Variants in TULP3 observed in about 807,000 individuals in gnomAD.
The protein encoded by TULP3 is tubby-related protein 3.
Under a neutral mutation model 50.7 loss-of-function variants are expected in TULP3, and 38 were observed. The ratio of observed to expected loss-of-function variants is 0.75; its 90% CI spans 0.58 to 0.98. The LOEUF (loss-of-function observed/expected upper bound fraction) is 0.98, where lower values mean the gene tolerates loss of function less well. TULP3 is among the 50% of genes least tolerant of loss of function. The probability of loss-of-function intolerance (pLI) is 0.00; values close to 1 mark genes in which losing one functional copy is unlikely to be tolerated. For missense variants in TULP3, 550 were observed against 568.0 expected, an observed-to-expected ratio of 0.97 and a Z score of 0.32; for synonymous variants, 183 against 196.6, an observed-to-expected ratio of 0.93 and a Z score of 0.58.
chr12:2,940,321 T>TAA lies in TULP3; in HGVS notation c.*893_*894dup, dbSNP rs371211844. The TAA allele has an allele frequency of 5.7e-5, 76 of 1,323,788 alleles. No homozygotes were observed. Among genetic ancestry groups the TAA allele is most frequent in the Middle Eastern group, 2.8e-4 (1 of 3,544 alleles). The allele number at this position is 1,323,788 out of a possible 1,614,324, so 82.0% of individuals were successfully genotyped here. ...GGCAGTATTGACCATTTAGTTTAGT[T>TAA]AAAAAAAAAAAAAAAAAGGTGGCAG... On this transcript the variant is annotated 3_prime_UTR_variant, in exon 11 of 11. Transcript: ENST00000448120.
At chr12:2,906,122 C>T (rs61918188) in intron 1 of TULP3, among the ~76,000 whole-genome samples, 71,221 of 149,488 alleles carry the variant, frequency 0.48, 17,453 homozygotes, top group African/African-American at 0.6. Flanking sequence ...CCTCCGCCTC[C>T]CAGGTTCACA....
intron 2 of TULP3, among the ~76,000 whole-genome samples, chr12:2,916,191 G>A (rs918053348): frequency 4.6e-5 from 7 of 151,958 alleles, no homozygotes; most frequent in Middle Eastern, 3.4e-3. Flanking sequence ...TGCATTTTTA[G>A]TAGAGATGGG....
At chr12:2,918,286 T>C (rs529938213) in intron 2 of TULP3, among the ~76,000 whole-genome samples, 1 of 151,560 alleles carries the variant, frequency 6.6e-6, no homozygotes, top group South Asian at 2.1e-4. Flanking sequence ...GCTAATTTTA[T>C]TTTTTAATAG....
chr12:2,890,908 G>C lies in TULP3; in HGVS notation c.-40G>C. 2 of 1,562,888 alleles carry C rather than the reference G, an allele frequency of 1.3e-6. No individual in the cohort carries two copies. The highest frequency in any genetic ancestry group is 8.7e-7 in the Non-Finnish European group (1 of 1,154,004). On this transcript the variant is annotated 5_prime_UTR_variant, in exon 1 of 11. Coordinates refer to ENST00000448120, the MANE Select transcript of TULP3 (RefSeq NM_003324.5). ...GCCTAGCCACTCTAGCGACGGCGGG[G>C]AAGAGTGTGTACGTGGTGGGGGCTT...
rs56027951 is a variant in TULP3, at chr12:2,911,664, CTTTTTTTTTTTTTTTTTTTTTTTTTTTTT to C, written c.93+2099_93+2127del. 2.7e-3 allele frequency among the ~76,000 whole-genome samples: 102 copies of C among 38,174 alleles called. 1 individual carries two copies. Among genetic ancestry groups the C allele is most frequent in the African/African-American group, 8.9e-3 (99 of 11,070 alleles). 25.0% of individuals were successfully genotyped at this position (38,174 alleles called of 152,430 possible). A position where few individuals can be genotyped will look rare whatever the true frequency, so the allele number is the denominator to read the frequency against. On this transcript the variant is annotated intron_variant, in intron 2 of 10. Coordinates refer to ENST00000448120, the MANE Select transcript of TULP3 (RefSeq NM_003324.5). ...ACAGGCGTGAGCCACTGCGCCCAGC[CTTTTTTTTTTTTTTTTTTTTTTTTTTTTT>C]TTTTTTTTTTTTTTGAGTCAGTGAA...
intron 1 of TULP3, among the ~76,000 whole-genome samples, chr12:2,898,030 AT>A (rs1278957655): frequency 6.8e-6 from 1 of 146,518 alleles, no homozygotes; most frequent in Non-Finnish European, 1.5e-5. Flanking sequence ...GTGAGCCAAG[AT>A]CGCGCCATTG....
intron 1 of TULP3, among the ~76,000 whole-genome samples, chr12:2,902,409 T>C (rs1477423188): frequency 6.6e-6 from 1 of 152,220 alleles, no homozygotes; most frequent in Non-Finnish European, 1.5e-5. Context: ...GCAAGGATGG[T>C]GTTTACTCTC....
rs2098204428 is a variant in TULP3 at position 2,940,867 on chromosome 12, A to G, written c.*1423A>G. 1.4e-6 allele frequency: 1 copy of G among 732,310 alleles called. No homozygotes were observed. Among genetic ancestry groups the G allele is most frequent in the Non-Finnish European group, 2.2e-6 (1 of 459,462 alleles). 45.4% of individuals were successfully genotyped at this position (732,310 alleles called of 1,614,324 possible). The stretch of plus-strand genomic sequence containing the variant: ...CCTCACAGCCATGCCCAGAAGCCTC[A>G]CACCTCGTCACCACCACCACCCCCC... On this transcript the variant is annotated 3_prime_UTR_variant, in exon 11 of 11. Coordinates refer to ENST00000448120, the MANE Select transcript of TULP3 (RefSeq NM_003324.5).
intron 1 of TULP3, among the ~76,000 whole-genome samples, chr12:2,907,350 C>CTA: frequency 6.6e-6 from 1 of 152,020 alleles, no homozygotes; most frequent in Middle Eastern, 3.4e-3. Flanking sequence ...CAACGTGCAC[C>CTA]TATAGTCCCA....
At chr12:2,900,876 CTTTTTT>C (rs57315328) in intron 1 of TULP3, among the ~76,000 whole-genome samples, 2 of 127,298 alleles carry the variant, frequency 1.6e-5, no homozygotes, top group Non-Finnish European at 1.6e-5. Context: ...AGCCGAAATA[CTTTTTT>C]TTTTTTTTTT....
At chr12:2,897,366 G>T (rs371076400) in intron 1 of TULP3, among the ~76,000 whole-genome samples, 3 of 152,046 alleles carry the variant, frequency 2.0e-5, no homozygotes, top group Non-Finnish European at 2.9e-5. Context: ...TCCAACATTC[G>T]AAAGCTTTTG....
chr12:2,914,541 CTTCA>C (rs1236397097), intron 2 of TULP3, among the ~76,000 whole-genome samples: 3 of 152,326 alleles, frequency 2.0e-5, no homozygotes, highest in African/African-American at 7.2e-5. Flanking sequence ...AGAGATTCAG[CTTCA>C]TTCAGATATT....
intron 1 of TULP3, among the ~76,000 whole-genome samples, chr12:2,902,316 GCCT>G (rs778850216): frequency 3.2e-4 from 48 of 152,292 alleles, no homozygotes; most frequent in Non-Finnish European, 6.5e-4. Flanking sequence ...AGTAAAGGAA[GCCT>G]TCACTCAAGT....
intron 2 of TULP3, among the ~76,000 whole-genome samples, chr12:2,920,333 A>C (rs2098190924): frequency 6.6e-6 from 1 of 152,120 alleles, no homozygotes; most frequent in Non-Finnish European, 1.5e-5. Context: ...AATGTCGGGA[A>C]ACCCTGTCTC....
At chr12:2,905,192 T>C (rs1228676603) in intron 1 of TULP3, among the ~76,000 whole-genome samples, 1 of 151,328 alleles carries the variant, frequency 6.6e-6, no homozygotes, top group Non-Finnish European at 1.5e-5. Flanking sequence ...AATATCTTTT[T>C]TTTTTTTCCT....
At chr12:2,921,126 C>T (rs969900244) in intron 3 of TULP3, among the ~76,000 whole-genome samples, 1 of 152,024 alleles carries the variant, frequency 6.6e-6, no homozygotes, top group African/African-American at 2.4e-5. Flanking sequence ...AGGTTTGCGT[C>T]CATTTTAGAA....
intron 1 of TULP3, among the ~76,000 whole-genome samples, chr12:2,894,875 CAA>C (rs2098174583): frequency 1.3e-5 from 2 of 151,908 alleles, no homozygotes; most frequent in East Asian, 1.9e-4. Context: ...GCCTGGGCGA[CAA>C]GAGCAAAACT....
Position 2,940,594 on chromosome 12 carries a change from A to G in TULP3, c.*1150A>G, listed in dbSNP as rs1194270420. 1.3e-6 allele frequency: 2 copies of G among 1,551,738 alleles called. No individual in the cohort carries two copies. On this transcript the variant is annotated 3_prime_UTR_variant, in exon 11 of 11. Transcript: ENST00000448120. ...TCCACCGTCAGCACCATTCAGCTGC[A>G]TCCCTTGTGCACAGAACTGTTTGCC...
rs1384440652 is a variant in TULP3, at chr12:2,934,552, C to A, written c.915C>A (p.Ala305=). ...GAAHTRQELA[A]ISYETNVLGF... is the part of the protein sequence containing the mutation. ...CCCACACCCGGCAGGAGCTGGCTGC[C>A]ATCTCCTATGTGAGTGCTGCTTTCC... The change falls in exon 8 of 11, where the codon GCC becomes GCA. Residue 305 remains alanine (A), a synonymous_variant. Transcript: ENST00000448120. 1.3e-6 allele frequency: 2 copies of A among 1,590,870 alleles called. No homozygotes were observed. The highest frequency in any genetic ancestry group is 1.7e-6 in the Non-Finnish European group (2 of 1,169,378).
Sources: gnomAD v4.1 joint callset for allele counts (sites outside exome capture counted in the v4.1 genomes callset) on GRCh38, gnomAD v4.1.1 for gene constraint, MANE v1.5 for transcripts, NCBI Gene and HGNC (gene_info 2026-07-23, HGNC 2026-07-21) for gene names.